Variants in ANK1 observed in about 807,000 individuals in gnomAD.
The protein encoded by ANK1 is ankyrin-1.
Under a neutral mutation model 210.4 loss-of-function variants are expected in ANK1, and 51 were observed. That is an observed-to-expected ratio of 0.24 (90% CI 0.19 to 0.31). The LOEUF (loss-of-function observed/expected upper bound fraction) is 0.31, where lower values mean the gene tolerates loss of function less well. Among genes scored for constraint, ANK1 ranks in the 10% least tolerant of loss-of-function variants. The probability of loss-of-function intolerance (pLI) is 1.00; values close to 1 mark genes in which losing one functional copy is unlikely to be tolerated. For synonymous variants in ANK1, 967 were observed against 1,025.9 expected, an observed-to-expected ratio of 0.94 and a Z score of 1.10; for missense variants, 2,051 against 2,504.4, an observed-to-expected ratio of 0.82 and a Z score of 3.86.
At chr8:41,793,048 T>C (rs1227800886) in intron 1 of ANK1, among the ~76,000 whole-genome samples, 1 of 152,202 alleles carries the variant, frequency 6.6e-6, no homozygotes, top group Admixed American at 6.5e-5. Flanking sequence ...GAACTGACAG[T>C]GTCCTGGAGC....
intron 2 of ANK1, among the ~76,000 whole-genome samples, chr8:41,739,521 C>CTTTTTTTTTTTTTTTT (rs71239075): frequency 2.6e-5 from 3 of 116,124 alleles, no homozygotes; most frequent in African/African-American, 6.4e-5. Context: ...TTTTTTCTTT[C>CTTTTTTTTTTTTTTTT]TTTTTTTTTT....
intron 16 of ANK1, among the ~76,000 whole-genome samples, chr8:41,712,168 G>T (rs1826328218): frequency 6.6e-6 from 1 of 152,068 alleles, no homozygotes; most frequent in Non-Finnish European, 1.5e-5. Context: ...CAAGCAATCT[G>T]CCTGTCTCGG....
intron 1 of ANK1, among the ~76,000 whole-genome samples, chr8:41,867,566 C>T (rs1007604731): frequency 2.6e-5 from 4 of 152,286 alleles, no homozygotes; most frequent in African/African-American, 9.6e-5. Flanking sequence ...TCCCTGCAGG[C>T]CTTTTCCCAT....
Position 41,717,683 on chromosome 8 carries a change from T to C in ANK1, c.1226A>G (p.His409Arg). 2 of 1,551,626 alleles carry C rather than the reference T, an allele frequency of 1.3e-6. No homozygotes were observed. ...AAGGTGCCCCATGAAGGAGGCCACG[T>C]GGAGAGGTGTCAGGCCAGACTGAAA... ...AVTESGLTPL[H>R]VASFMGHLPI... Residue 409 changes from histidine to arginine, a missense_variant, in exon 12 of 43, where the codon CAC (histidine) becomes CGC (arginine). Around this residue, in one of 6 missense-constraint regions of ANK1, gnomAD observed 1,413 missense variants for 1,707.4 expected, o/e 0.83. Transcript: ENST00000289734.
chr8:41,893,501 C>G (rs1819847149), intron 1 of ANK1, among the ~76,000 whole-genome samples: 1 of 152,222 alleles, frequency 6.6e-6, no homozygotes, highest in Non-Finnish European at 1.5e-5. Flanking sequence ...CCGCACACAG[C>G]ACCCCTTAGC....
intron 39 of ANK1, chr8:41,664,713 C>T: frequency 7.6e-7 from 1 of 1,312,250 alleles, no homozygotes; most frequent in Non-Finnish European, 1.1e-6. Flanking sequence ...TCTCCCAACT[C>T]TGGGTCCGGA....
chr8:41,747,390 A>AC (rs1836458858), intron 2 of ANK1, among the ~76,000 whole-genome samples: 1 of 152,014 alleles, frequency 6.6e-6, no homozygotes, highest in Non-Finnish European at 1.5e-5. Flanking sequence ...TCTTTGCCAC[A>AC]CTGTACCTTA....
chr8:41,782,650 C>T (rs1432697593), intron 1 of ANK1, among the ~76,000 whole-genome samples: 3 of 152,134 alleles, frequency 2.0e-5, no homozygotes, highest in African/African-American at 2.4e-5. Flanking sequence ...CTCAGATTCT[C>T]GCTGAATTGA....
chr8:41,666,056 G>T (rs1007932567), intron 39 of ANK1, among the ~76,000 whole-genome samples: 1 of 152,210 alleles, frequency 6.6e-6, no homozygotes, highest in Non-Finnish European at 1.5e-5. Context: ...ACAGATCTGG[G>T]ACACAGCAGA....
intron 1 of ANK1, among the ~76,000 whole-genome samples, chr8:41,820,061 G>A (rs746248767): frequency 1.6e-4 from 25 of 152,178 alleles, no homozygotes; most frequent in Admixed American, 6.5e-5. Flanking sequence ...CCATCTCTGG[G>A]AGGGAGAGAG....
chr8:41,678,395 G>A (rs1232794019), intron 37 of ANK1, among the ~76,000 whole-genome samples: 1 of 152,116 alleles, frequency 6.6e-6, no homozygotes, highest in Non-Finnish European at 1.5e-5. Flanking sequence ...GCCCACCTGG[G>A]CCTCCAAAAG....
chr8:41,754,880 C>CACCTGCAGCT (rs772442143), intron 2 of ANK1, among the ~76,000 whole-genome samples: 33 of 152,362 alleles, frequency 2.2e-4, no homozygotes, highest in Non-Finnish European at 4.4e-4. Flanking sequence ...CAGGCGCAGC[C>CACCTGCAGCT]ACCTGCAGCT....
intron 39 of ANK1, chr8:41,665,312 C>T (rs2150552002): frequency 1.4e-6 from 2 of 1,404,828 alleles, no homozygotes; most frequent in Middle Eastern, 3.7e-4. Flanking sequence ...TTTTACCTCC[C>T]CAAACCAGCT....
chr8:41,827,128 T>G (rs1805521097), intron 1 of ANK1, among the ~76,000 whole-genome samples: 1 of 152,256 alleles, frequency 6.6e-6, no homozygotes, highest in South Asian at 2.1e-4. Context: ...TAATATTTGC[T>G]GATTTTCAGA....
At chr8:41,881,372 G>C (rs1396669128) in intron 1 of ANK1, among the ~76,000 whole-genome samples, 2 of 152,180 alleles carry the variant, frequency 1.3e-5, no homozygotes, top group African/African-American at 4.8e-5. Flanking sequence ...CCTGGTGTGT[G>C]GTATGTACAG....
chr8:41,661,456 C>T lies in ANK1; in HGVS notation c.*10G>A, dbSNP rs568372288. ...TCCCGAGAGGCTACTCCAAGGAGAG[C>T]GGCTCGGGGTCACTGTTTCCCCCTT... On this transcript the variant is annotated 3_prime_UTR_variant, in exon 42 of 43. Coordinates refer to ENST00000289734, the MANE Select transcript of ANK1 (RefSeq NM_000037.4). 292 of 1,614,046 alleles carry T rather than the reference C, an allele frequency of 1.8e-4. 2 individuals carry two copies. Among genetic ancestry groups the T allele is most frequent in the South Asian group, 1.5e-3 (137 of 91,082 alleles).
chr8:41,834,173 T>A (rs1807190241), intron 1 of ANK1, among the ~76,000 whole-genome samples: 1 of 152,110 alleles, frequency 6.6e-6, no homozygotes, highest in Non-Finnish European at 1.5e-5. Context: ...GAAAGGTCAC[T>A]CCAGCAGGAG....
chr8:41,838,211 G>A (rs1426588791), intron 1 of ANK1, among the ~76,000 whole-genome samples: 1 of 152,160 alleles, frequency 6.6e-6, no homozygotes, highest in Non-Finnish European at 1.5e-5. Context: ...TTTTACAGAT[G>A]GGGAAAGCGG....
At chr8:41,715,562 A>C in intron 14 of ANK1, 90 bp downstream of exon 14, 1 of 1,510,732 alleles carries the variant, frequency 6.6e-7, no homozygotes, top group Non-Finnish European at 9.0e-7. Context: ...TTGAGGTGAC[A>C]AAGAGAACCA....
Sources: allele counts gnomAD v4.1 joint callset (sites outside exome capture counted in the v4.1 genomes callset), GRCh38; gene constraint gnomAD v4.1.1; regional missense constraint gnomAD v4.1.1; transcripts MANE v1.5; gene names NCBI Gene and HGNC (gene_info 2026-07-23, HGNC 2026-07-21).